The following SLC2A3 variants were observed in gnomAD, a reference collection of about 807,000 sequenced individuals.
The protein encoded by SLC2A3 is solute carrier family 2 member 3.
SLC2A3 carries 21 observed loss-of-function variants against 46.4 expected under a neutral mutation model. The observed-to-expected ratio is 0.45, with a 90% CI of 0.32 to 0.65. SLC2A3 has a LOEUF of 0.65. Among genes scored for constraint, SLC2A3 ranks in the 30% least tolerant of loss-of-function variants. The pLI, the probability that SLC2A3 is intolerant of heterozygous loss-of-function variation, is 0.04. For synonymous variants in SLC2A3, 213 were observed against 239.4 expected, an observed-to-expected ratio of 0.89 and a Z score of 1.02; for missense variants, 499 against 623.3, an observed-to-expected ratio of 0.80 and a Z score of 2.12.
rs760918605 is a variant in SLC2A3 at position 7,933,026 on chromosome 12, C to A, written c.230G>T (p.Gly77Val). ...GACGAAGAGTCCGACGGAAAAGGAG[C>A]CGATCATACCCCCGACGGAAAATAT... ...VAIFSVGGMI[G>V]SFSVGLFVNR... is the part of the protein sequence containing the mutation. The change falls in exon 3 of 10, where the codon GGC becomes GTC. Residue 77 changes from glycine (G) to valine (V), a missense_variant. By Grantham distance (109) the Gly-to-Val change is moderately radical (BLOSUM62 -3). Around this residue, in one of 5 missense-constraint regions of SLC2A3, gnomAD observed 248 missense variants for 284.0 expected, o/e 0.87. Coordinates refer to ENST00000075120, the MANE Select transcript of SLC2A3 (RefSeq NM_006931.3). 6 of 1,614,086 alleles carry A rather than the reference C, an allele frequency of 3.7e-6. No individual in the cohort carries two copies. Among genetic ancestry groups the A allele is most frequent in the Non-Finnish European group, 5.1e-6 (6 of 1,180,000 alleles).
At position 7,931,386 on chromosome 12, in the gene SLC2A3, A is replaced by G. The variant is rs755092257; in HGVS notation, c.369T>C (p.Gly123=). Residue 123 remains glycine, a synonymous_variant, in exon 4 of 10, where the codon GGT becomes GGC. Coordinates refer to ENST00000075120, the MANE Select transcript of SLC2A3 (RefSeq NM_006931.3). ...CGCAGAAGAGGCCAATAACCAAGCG[A>G]CCCAGGATCAGCATTTCAACCGACT... ...VAKSVEMLIL[G]RLVIGLFCGL... is the part of the protein sequence containing the mutation. 3.3e-5 allele frequency: 53 copies of G among 1,614,138 alleles called. No homozygotes were observed. In the East Asian group the frequency reaches 8.9e-4, roughly 27 times the overall value.
intron 6 of SLC2A3, among the ~76,000 whole-genome samples, chr12:7,927,286 AAT>A (rs1390939519): frequency 6.6e-6 from 1 of 152,118 alleles, no homozygotes; most frequent in Non-Finnish European, 1.5e-5. Flanking sequence ...CTTGTGGGGA[AAT>A]ATATTAGGCT....
At chr12:7,932,778 T>A in intron 3 of SLC2A3, 1 of 612,974 alleles carries the variant, frequency 1.6e-6, no homozygotes, top group Non-Finnish European at 2.8e-6. Flanking sequence ...TCACAGTTCA[T>A]CTCTTGCACA....
chr12:7,924,000 T>C (rs1469788042), intron 8 of SLC2A3, among the ~76,000 whole-genome samples: 1 of 151,924 alleles, frequency 6.6e-6, no homozygotes, highest in African/African-American at 2.4e-5. Flanking sequence ...ACTCTCGACA[T>C]CAGGTGATCC....
At chr12:7,923,071 C>A (rs1946055682) in intron 8 of SLC2A3, 47 bp from the exon 9 acceptor site, 1 of 1,541,446 alleles carries the variant, frequency 6.5e-7, no homozygotes, top group South Asian at 1.2e-5. Context: ...GACAGTGTAA[C>A]CTAGTATCTA....
At chr12:7,931,733 G>A (rs1269413336) in intron 3 of SLC2A3, among the ~76,000 whole-genome samples, 3 of 151,878 alleles carry the variant, frequency 2.0e-5, no homozygotes, top group African/African-American at 7.3e-5. Context: ...CTATGATTGG[G>A]CCATTACACT....
chr12:7,921,356 C>T lies in SLC2A3; in HGVS notation c.*57G>A. On this transcript the variant is annotated 3_prime_UTR_variant, in exon 10 of 10. Transcript: ENST00000075120. ...GGGTTCATCCTGATGAGGTCTCTCC[C>T]TTGTTGAGGGAGAGGTGGCTTTCCC... 1.9e-6 allele frequency: 3 copies of T among 1,613,224 alleles called. No homozygotes were observed. Among genetic ancestry groups the T allele is most frequent in the Non-Finnish European group, 2.5e-6 (3 of 1,179,386 alleles).
intron 8 of SLC2A3, among the ~76,000 whole-genome samples, chr12:7,924,161 T>C (rs974590077): frequency 1.4e-4 from 21 of 152,178 alleles, no homozygotes; most frequent in Admixed American, 9.2e-4. Context: ...ATTACCTTGA[T>C]ATTATTCTAA....
At chr12:7,930,019 T>C (rs1200192908) in intron 5 of SLC2A3, 148 bp from the exon 6 acceptor site, 3 of 1,454,864 alleles carry the variant, frequency 2.1e-6, no homozygotes, top group Admixed American at 2.7e-5. Context: ...GAGTTTCACT[T>C]TTGTTGCCCA....
At chr12:7,933,682 GCC>G in intron 2 of SLC2A3, 126 bp downstream of exon 2, 1 of 942,032 alleles carries the variant, frequency 1.1e-6, no homozygotes, top group South Asian at 1.6e-5. Context: ...TTAAGCCTCA[GCC>G]TCAGGAGTAG....
intron 6 of SLC2A3, among the ~76,000 whole-genome samples, chr12:7,926,831 A>C (rs1358796404): frequency 6.6e-6 from 1 of 152,158 alleles, no homozygotes; most frequent in African/African-American, 2.4e-5. Context: ...GTTTTATGAA[A>C]TAATACCAGC....
At chr12:7,929,982 T>G in intron 5 of SLC2A3, 111 bp from the exon 6 acceptor site, 9 of 1,504,148 alleles carry the variant, frequency 6.0e-6, no homozygotes, top group Non-Finnish European at 8.0e-6. Flanking sequence ...ATGGGTAGCA[T>G]CCATTCCTTT....
chr12:7,927,702 T>G lies in SLC2A3; in HGVS notation c.862-1754A>C, dbSNP rs575864319. On this transcript the variant is annotated intron_variant, in intron 6 of 9. Coordinates refer to ENST00000075120, the MANE Select transcript of SLC2A3 (RefSeq NM_006931.3). Reference sequence around the variant, plus strand: ...TCAGGAATCCCAACCCCCATAATTCTGATGCAGCCAGCTTTGGGTGAGATT... The same window carrying G: ...TCAGGAATCCCAACCCCCATAATTCGGATGCAGCCAGCTTTGGGTGAGATT... Among the ~76,000 whole-genome samples, 11 of 152,244 alleles carry G rather than the reference T, an allele frequency of 7.2e-5. No homozygotes were observed. The South Asian group carries it at 2.3e-3, about 32-fold the overall frequency.
chr12:7,924,391 T>C lies in SLC2A3; in HGVS notation c.1068+19A>G. On this transcript the variant is annotated intron_variant, in intron 8 of 9. Coordinates refer to ENST00000075120, the MANE Select transcript of SLC2A3 (RefSeq NM_006931.3). ...CTCTTCTTTCCCCCTCCCTTTTTTT[T>C]CACCCAAAGAGCACCTACCTTTAAT... 6.2e-7 allele frequency: 1 copy of C among 1,609,608 alleles called. No individual in the cohort carries two copies. The highest frequency in any genetic ancestry group is 8.5e-7 in the Non-Finnish European group (1 of 1,178,828).
At position 7,931,236 on chromosome 12, in the gene SLC2A3, C is replaced by T. The variant is rs374130603; in HGVS notation, c.510+9G>A. On this transcript the variant is annotated intron_variant, in intron 4 of 9. Coordinates refer to ENST00000075120, the MANE Select transcript of SLC2A3 (RefSeq NM_006931.3). ...TAACACTCATTAAGTATGAGAAGTTCTAGAGTACCTGGGCCACCAGAATTC... is the reference window on the plus strand; with the variant it reads ...TAACACTCATTAAGTATGAGAAGTTTTAGAGTACCTGGGCCACCAGAATTC... 1.4e-5 allele frequency: 23 copies of T among 1,613,978 alleles called. No homozygotes were observed. The highest frequency in any genetic ancestry group is 1.1e-5 in the Non-Finnish European group (13 of 1,180,004).
chr12:7,923,304 G>A (rs1254925524), intron 8 of SLC2A3: 2 of 326,380 alleles, frequency 6.1e-6, no homozygotes, highest in Non-Finnish European at 1.1e-5. Context: ...AAATCGCTTG[G>A]ACTTGAAGCA....
At chr12:7,934,336 C>G (rs2740471) in intron 1 of SLC2A3, among the ~76,000 whole-genome samples, 44,581 of 151,662 alleles carry the variant, frequency 0.29, 6,689 homozygotes, top group East Asian at 0.52. Flanking sequence ...CGGAAGCCCA[C>G]TGGTGGTGGT....
intron 2 of SLC2A3, 67 bp from the exon 3 acceptor site, chr12:7,933,214 T>C: frequency 6.6e-7 from 1 of 1,525,070 alleles, no homozygotes; most frequent in Non-Finnish European, 9.0e-7. Flanking sequence ...AGACAAACAT[T>C]AGGGATCATT....
At chr12:7,930,702 A>G in intron 4 of SLC2A3, 60 bp from the exon 5 acceptor site, 1 of 1,506,622 alleles carries the variant, frequency 6.6e-7, no homozygotes, top group Non-Finnish European at 8.9e-7. Context: ...CAAGTTCATT[A>G]AAACACAAAA....
Sources: gnomAD v4.1 joint callset for allele counts (sites outside exome capture counted in the v4.1 genomes callset) on GRCh38, gnomAD v4.1.1 for gene constraint, gnomAD v4.1.1 regional missense constraint, MANE v1.5 for transcripts, NCBI Gene and HGNC (gene_info 2026-07-23, HGNC 2026-07-21) for gene names.